The following MBD1 variants were observed in gnomAD, a reference collection of about 807,000 sequenced individuals.
MBD1 encodes the protein methyl-CpG binding domain protein 1, also known as methyl-CpG-binding domain protein 1.
MBD1 carries 25 observed loss-of-function variants against 82.6 expected under a neutral mutation model. The observed-to-expected ratio is 0.30, with a 90% CI of 0.22 to 0.42. MBD1 has a LOEUF of 0.42. Among genes scored for constraint, MBD1 ranks in the 10% least tolerant of loss-of-function variants. The pLI, the probability that MBD1 is intolerant of heterozygous loss-of-function variation, is 1.00. For synonymous variants in MBD1, 301 were observed against 303.7 expected (o/e 0.99, Z 0.09); for missense variants, 627 against 819.6 (o/e 0.76, Z 2.87).
In MBD1 at chr18:50,275,578, T is replaced by C. The variant is rs372534351; in HGVS notation, c.792+22A>G. On this transcript the variant is annotated intron_variant, in intron 8 of 16. Coordinates refer to ENST00000269468, the MANE Select transcript of MBD1 (RefSeq NM_015846.4). ...ACGATTTTAACAGCAGAATGAGCTC[T>C]GCTCCCTCCAGCCCAACTCACCCGT... 28 of 1,614,016 alleles carry C rather than the reference T, an allele frequency of 1.7e-5. No homozygotes were observed. The African/African-American group carries it at 3.7e-4, about 22-fold the overall frequency.
rs2034379571 is a variant in MBD1 at position 50,268,899 on chromosome 18, T to C, written c.*952A>G. 4.1e-6 allele frequency: 4 copies of C among 983,880 alleles called. No homozygotes were observed. The highest frequency in any genetic ancestry group is 4.8e-6 in the Non-Finnish European group (4 of 828,612). The allele number at this position is 983,880 out of a possible 1,614,324, so 60.9% of individuals were successfully genotyped here. A position where few individuals can be genotyped will look rare whatever the true frequency, so the allele number is the denominator to read the frequency against. ...ATTTTAAAATAGAACAGCTTAGAGA[T>C]AGAAACTAAATTATTTCCAATTCCT... On this transcript the variant is annotated 3_prime_UTR_variant, in exon 17 of 17. Transcript: ENST00000269468.
downstream of MBD1, chr18:50,267,356 T>G (rs1315186403): frequency 3.9e-6 from 2 of 510,962 alleles, no homozygotes; most frequent in Non-Finnish European, 7.0e-6. Flanking sequence ...TAATAATAAT[T>G]TTTTAAAACC....
chr18:50,270,343 G>C, intron 16 of MBD1: 1 of 669,290 alleles, frequency 1.5e-6, no homozygotes, highest in Non-Finnish European at 2.7e-6. Context: ...CAAATTACAG[G>C]TCTAATCTTT....
rs763457177 is a variant in MBD1, at chr18:50,275,194, G to T, written c.844C>A (p.Arg282=). 1.2e-6 allele frequency: 2 copies of T among 1,613,972 alleles called. No individual in the cohort carries two copies. The highest frequency in any genetic ancestry group is 1.7e-6 in the Non-Finnish European group (2 of 1,179,996). The change falls in exon 9 of 17, where the codon CGG becomes AGG. Residue 282 remains arginine, a synonymous_variant. Coordinates refer to ENST00000269468, the MANE Select transcript of MBD1 (RefSeq NM_015846.4). ...GGCAGTGGCTGGGCTCCGGGGCGCCGCCTGGCAGCCATCTTGGAGTCACAG... is the reference window on the plus strand; with the variant it reads ...GGCAGTGGCTGGGCTCCGGGGCGCCTCCTGGCAGCCATCTTGGAGTCACAG... The part of the protein sequence containing the change: ...GGCDSKMAAR[R]RPGAQPLPPP...
intron 10 of MBD1, among the ~76,000 whole-genome samples, chr18:50,274,721 G>C (rs1470973579): frequency 6.6e-6 from 1 of 152,062 alleles, no homozygotes; most frequent in Admixed American, 6.5e-5. Context: ...CTCATCCTAG[G>C]TGAACCCCAG....
At chr18:50,269,896 C>A in intron 16 of MBD1, 78 bp from the exon 17 acceptor site, 2 of 1,075,874 alleles carry the variant, frequency 1.9e-6, no homozygotes, top group South Asian at 1.2e-5. Flanking sequence ...GGCATGCGGT[C>A]AGATCCCTAT....
intron 2 of MBD1, among the ~76,000 whole-genome samples, chr18:50,277,495 C>T (rs1218467478): frequency 6.6e-6 from 1 of 151,304 alleles, no homozygotes; most frequent in Non-Finnish European, 1.5e-5. Flanking sequence ...CAAATAGGAA[C>T]ACAAATATAT....
intron 15 of MBD1, among the ~76,000 whole-genome samples, chr18:50,271,989 AC>A (rs2035770245): frequency 6.6e-6 from 1 of 152,114 alleles, no homozygotes; most frequent in Non-Finnish European, 1.5e-5. Context: ...CCTCCCAACC[AC>A]CCTAGTCCTT....
At chr18:50,275,315 A>T (rs1245042963) in intron 8 of MBD1, 70 bp from the exon 9 acceptor site, 6 of 1,609,824 alleles carry the variant, frequency 3.7e-6, no homozygotes, top group Non-Finnish European at 5.1e-6. Context: ...CCCACACCCT[A>T]AGTGCAGAAA....
chr18:50,268,646 G>C (rs934684481), downstream of MBD1, among the ~76,000 whole-genome samples: 1 of 152,234 alleles, frequency 6.6e-6, no homozygotes, highest in East Asian at 1.9e-4. Context: ...GCAGGTTGAA[G>C]GTGTCCGGCC....
rs185468490 is a variant in MBD1 at position 50,277,777 on chromosome 18, G to C, written c.111-573C>G. Reference sequence around the variant, plus strand: ...AAGCAAACAACCTTGGAAGATAAGAGATAGGGTCTCCTTCCATAGGAGGAA... The same window carrying C: ...AAGCAAACAACCTTGGAAGATAAGACATAGGGTCTCCTTCCATAGGAGGAA... On this transcript the variant is annotated intron_variant, in intron 2 of 16. Transcript: ENST00000269468. Among the ~76,000 whole-genome samples, 473 of 152,188 alleles carry C rather than the reference G, an allele frequency of 3.1e-3. 3 individuals are homozygous for C. Among genetic ancestry groups the C allele is most frequent in the African/African-American group, 0.01 (429 of 41,538 alleles).
At chr18:50,275,421 G>GCGA in intron 8 of MBD1, 176 bp from the exon 9 acceptor site, 1 of 1,603,322 alleles carries the variant, frequency 6.2e-7, no homozygotes, top group East Asian at 2.2e-5. Context: ...TCTGATGACG[G>GCGA]CGACGCAGGC....
At chr18:50,271,349 G>A (rs139680581) in intron 16 of MBD1, 120 bp downstream of exon 16, 4 of 1,586,070 alleles carry the variant, frequency 2.5e-6, no homozygotes, top group Non-Finnish European at 3.4e-6. Flanking sequence ...CTGCTCTTCT[G>A]GTTTGGTAGT....
chr18:50,267,813 A>T (rs187086846), downstream of MBD1: 483 of 599,050 alleles, frequency 8.1e-4, no homozygotes, highest in Middle Eastern at 6.1e-3. Context: ...TTAAGGACGC[A>T]ATTTACTGTA....
rs1044146176 is a variant in MBD1 at position 50,271,670 on chromosome 18, A to G, written c.1779-130T>C. On this transcript the variant is annotated intron_variant, in intron 15 of 16. Coordinates refer to ENST00000269468, the MANE Select transcript of MBD1 (RefSeq NM_015846.4). The stretch of plus-strand genomic sequence containing the variant: ...CCTTAATTATCCTTTATCTTTTTTT[A>G]TATCTTCTAAAAACTACCATTATAG... 6.9e-6 allele frequency: 7 copies of G among 1,014,802 alleles called. 1 individual carries two copies. The highest frequency in any genetic ancestry group is 3.2e-5 in the African/African-American group (2 of 62,010). 62.9% of individuals were successfully genotyped at this position (1,014,802 alleles called of 1,614,324 possible).
rs759614155 is a variant in MBD1 at position 50,275,634 on chromosome 18, C to T, written c.758G>A (p.Arg253His). 5 of 1,614,094 alleles carry T rather than the reference C, an allele frequency of 3.1e-6. No homozygotes were observed. Among genetic ancestry groups the T allele is most frequent in the East Asian group, 2.2e-5 (1 of 44,892 alleles). Residue 253 changes from arginine (R) to histidine (H), a missense_variant, in exon 8 of 17, where the codon CGC becomes CAC. This residue lies in a region of MBD1 where 228 missense variants were observed against 318.1 expected (regional missense o/e 0.72). Coordinates refer to ENST00000269468, the MANE Select transcript of MBD1 (RefSeq NM_015846.4). ...ACGTCGCTGGACACATTTCCACTGGCGCCTGAGACCAGGGCGGGGAGGGCG... is the reference window on the plus strand; with the variant it reads ...ACGTCGCTGGACACATTTCCACTGGTGCCTGAGACCAGGGCGGGGAGGGCG... ...CLRPPRPGLRRQWKCVQRRCL... is the reference protein window; with the variant it reads ...CLRPPRPGLRHQWKCVQRRCL...
intron 8 of MBD1, 104 bp from the exon 9 acceptor site, chr18:50,275,349 A>G: frequency 1.2e-6 from 2 of 1,612,414 alleles, no homozygotes; most frequent in Non-Finnish European, 1.7e-6. Context: ...AGGCAGACAG[A>G]GGGTGGCGTG....
chr18:50,277,979 C>A (rs1340093299), intron 2 of MBD1, among the ~76,000 whole-genome samples: 3 of 152,220 alleles, frequency 2.0e-5, no homozygotes, highest in African/African-American at 7.2e-5. Context: ...GTAATTCCCC[C>A]TCTCGTGCAG....
At chr18:50,274,480 A>C (rs1163511462) in intron 10 of MBD1, 127 bp from the exon 11 acceptor site, 3 of 1,018,348 alleles carry the variant, frequency 2.9e-6, no homozygotes, top group Non-Finnish European at 4.3e-6. Context: ...TACTAGTCTC[A>C]GCCTCCTGAC....
Sources: allele counts gnomAD v4.1 joint callset (sites outside exome capture counted in the v4.1 genomes callset), GRCh38; gene constraint gnomAD v4.1.1; regional missense constraint gnomAD v4.1.1; transcripts MANE v1.5; gene names NCBI Gene and HGNC (gene_info 2026-07-23, HGNC 2026-07-21).